Variants in MTPAP observed in about 807,000 individuals in gnomAD.
MTPAP encodes the protein poly(A) RNA polymerase, mitochondrial.
In MTPAP, 23 loss-of-function variants were observed where a neutral mutation model predicts 48.7. The observed-to-expected ratio is 0.47, with a 90% confidence interval of 0.34 to 0.67. MTPAP has a LOEUF of 0.67. Ranked by LOEUF, MTPAP falls within the 30% of genes least tolerant of loss-of-function variation. MTPAP has a pLI of 0.01. For synonymous variants in MTPAP, 257 were observed against 254.1 expected (o/e 1.01, Z -0.11); for missense variants, 614 against 694.3 (o/e 0.88, Z 1.30).
intron 1 of MTPAP, among the ~76,000 whole-genome samples, chr10:30,345,748 T>C (rs1834866739): frequency 6.6e-6 from 1 of 152,080 alleles, no homozygotes; most frequent in African/African-American, 2.4e-5. Context: ...AAACTAACAT[T>C]AAGAAATGAC....
intron 5 of MTPAP, among the ~76,000 whole-genome samples, chr10:30,325,714 C>A (rs1834580237): frequency 6.6e-6 from 1 of 152,082 alleles, no homozygotes; most frequent in Admixed American, 6.5e-5. Context: ...CAGTGTGCTG[C>A]ACTCCAGCCT....
intron 3 of MTPAP, 70 bp downstream of exon 3, chr10:30,340,156 T>C: frequency 7.9e-7 from 1 of 1,267,088 alleles, no homozygotes; most frequent in Non-Finnish European, 1.1e-6. Context: ...GCTTGAACAT[T>C]TTACAGGAAT....
Position 30,313,939 on chromosome 10 carries a change from A to G in MTPAP, c.1419T>C (p.Pro473=), listed in dbSNP as rs17855115. The change falls in exon 9 of 9, where the codon CCT becomes CCC. Residue 473 remains proline, a synonymous_variant. Coordinates refer to ENST00000263063, the MANE Select transcript of MTPAP (RefSeq NM_018109.4). ...GREQNKPDSS[P]LYIQNPFETS... is the part of the protein sequence containing the mutation. ...TTTCAAATGGATTCTGAATGTACAG[A>G]GGAGAAGAATCAGGTTTGTTTTGCT... 6.2e-7 allele frequency: 1 copy of G among 1,613,970 alleles called. No individual in the cohort carries two copies. Among genetic ancestry groups the G allele is most frequent in the African/African-American group, 1.3e-5 (1 of 75,042 alleles).
At chr10:30,314,867 G>C (rs1371317671) in intron 8 of MTPAP, among the ~76,000 whole-genome samples, 3 of 110,922 alleles carry the variant, frequency 2.7e-5, no homozygotes, top group Non-Finnish European at 5.1e-5. Flanking sequence ...GTGAGACTCT[G>C]TCTCAAAAAA....
At chr10:30,314,111 T>G in intron 8 of MTPAP, 140 bp from the exon 9 acceptor site, 1 of 1,058,482 alleles carries the variant, frequency 9.4e-7, no homozygotes, top group Admixed American at 2.1e-5. Context: ...TCTCAGGGGA[T>G]TGAGTATGTA....
Position 30,311,687 on chromosome 10 carries a change from G to A in MTPAP, c.*1922C>T, listed in dbSNP as rs1249018001. 1 of 152,256 alleles carries A rather than the reference G, an allele frequency of 6.6e-6. No individual in the cohort carries two copies. The highest frequency in any genetic ancestry group is 1.5e-5 in the Non-Finnish European group (1 of 68,124). 9.4% of individuals were successfully genotyped at this position (152,256 alleles called of 1,614,324 possible). ...CTATACTACTTGCTTCTTTTCCTTT[G>A]AGAGAGTCTCACTGTCGCCCAGGAT... On this transcript the variant is annotated 3_prime_UTR_variant, in exon 9 of 9. Transcript: ENST00000263063.
chr10:30,324,305 T>C (rs1487705334), intron 5 of MTPAP, among the ~76,000 whole-genome samples: 3 of 151,954 alleles, frequency 2.0e-5, no homozygotes, highest in Non-Finnish European at 4.4e-5. Flanking sequence ...AGCCCAGGAG[T>C]TTGAGACCAC....
intron 3 of MTPAP, 97 bp from the exon 4 acceptor site, chr10:30,337,124 C>A: frequency 9.4e-7 from 1 of 1,061,136 alleles, no homozygotes; most frequent in Non-Finnish European, 1.4e-6. Context: ...CGTTGAAGAC[C>A]TACCTTAGAA....
intron 1 of MTPAP, among the ~76,000 whole-genome samples, chr10:30,344,869 A>G (rs1564524916): frequency 6.6e-6 from 1 of 152,104 alleles, no homozygotes; most frequent in East Asian, 1.9e-4. Flanking sequence ...GCGCCAGGCT[A>G]ATTTTTATAT....
chr10:30,339,964 T>C, intron 3 of MTPAP: 1 of 497,012 alleles, frequency 2.0e-6, no homozygotes, highest in East Asian at 3.8e-5. Flanking sequence ...CAGTCATCAA[T>C]ACCATCTCAA....
At position 30,347,133 on chromosome 10, in the gene MTPAP, A is replaced by G. The variant is rs998671194; in HGVS notation, c.157+1986T>C. Among the ~76,000 whole-genome samples the G allele has an allele frequency of 1.3e-5, 2 of 152,192 alleles. 1 individual carries two copies. The highest frequency in any genetic ancestry group is 1.3e-4 in the Admixed American group (2 of 15,274). On this transcript the variant is annotated intron_variant, in intron 1 of 8. Coordinates refer to ENST00000263063, the MANE Select transcript of MTPAP (RefSeq NM_018109.4). ...TATCAGAAAGAATCCCGAATAATACACCATGTACTCTTATTGTCTTTCTAC... is the reference window on the plus strand; with the variant it reads ...TATCAGAAAGAATCCCGAATAATACGCCATGTACTCTTATTGTCTTTCTAC...
intron 8 of MTPAP, among the ~76,000 whole-genome samples, chr10:30,315,113 A>G (rs1184823624): frequency 1.3e-5 from 2 of 152,142 alleles, no homozygotes; most frequent in Non-Finnish European, 2.9e-5. Context: ...TTTGGAGTAC[A>G]AAAAAGGTGA....
intron 1 of MTPAP, among the ~76,000 whole-genome samples, chr10:30,348,561 G>A (rs546005590): frequency 6.6e-6 from 1 of 152,086 alleles, no homozygotes; most frequent in African/African-American, 2.4e-5. Flanking sequence ...AACGAACGCG[G>A]GACAACAGCC....
Position 30,341,468 on chromosome 10 carries a change from A to G in MTPAP, c.330T>C (p.Phe110=). Residue 110 remains phenylalanine, a splice_region_variant and synonymous_variant, in exon 2 of 9, where the codon TTT becomes TTC. Transcript: ENST00000263063. ...PINNHFFYES[F]GLYAVVEFCQ... ...GTTAGATTGTTTTTCAAATACTTAC[A>G]AAGCTTTCATAGAAGAAATGATTAT... 1 of 1,612,834 alleles carries G rather than the reference A, an allele frequency of 6.2e-7. No homozygotes were observed. Among genetic ancestry groups the G allele is most frequent in the South Asian group, 1.1e-5 (1 of 90,862 alleles).
chr10:30,313,679 G>A lies in MTPAP; in HGVS notation c.1679C>T (p.Ser560Phe). Reference protein sequence around the residue: ...AIETVKNLLESLKGNRTENFT... With the variant: ...AIETVKNLLEFLKGNRTENFT... ...ATTTTCTGTTCTGTTACCTTTTAAA[G>A]ATTCTAGCAAGTTTTTGACTGTTTC... The change falls in exon 9 of 9, where the codon TCT (serine) becomes TTT (phenylalanine). Residue 560 changes from serine to phenylalanine, a missense_variant. Coordinates refer to ENST00000263063, the MANE Select transcript of MTPAP (RefSeq NM_018109.4). 1.9e-6 allele frequency: 3 copies of A among 1,614,088 alleles called. No homozygotes were observed. The highest frequency in any genetic ancestry group is 2.5e-6 in the Non-Finnish European group (3 of 1,179,942).
intron 1 of MTPAP, 132 bp downstream of exon 1, chr10:30,348,987 G>A (rs1031953142): frequency 1.5e-6 from 2 of 1,324,334 alleles, no homozygotes; most frequent in South Asian, 2.5e-5. Flanking sequence ...CAGAGGAGAG[G>A]AGAGGACAGG....
chr10:30,348,795 T>G, intron 1 of MTPAP: 1 of 365,740 alleles, frequency 2.7e-6, no homozygotes. Context: ...GTGTGTAGCA[T>G]TACTATCATT....
intron 6 of MTPAP, among the ~76,000 whole-genome samples, chr10:30,322,019 T>C (rs571815757): frequency 1.4e-4 from 22 of 152,214 alleles, no homozygotes; most frequent in Non-Finnish European, 2.9e-4. Flanking sequence ...GTATCTCTAA[T>C]ACAAGTCTAA....
intron 4 of MTPAP, among the ~76,000 whole-genome samples, chr10:30,327,879 TG>T (rs1834618113): frequency 6.7e-6 from 1 of 148,454 alleles, no homozygotes; most frequent in African/African-American, 2.5e-5. Context: ...AAATTCAACA[TG>T]GATCAAAGAC....
Sources: gnomAD v4.1 joint callset for allele counts (sites outside exome capture counted in the v4.1 genomes callset) on GRCh38, gnomAD v4.1.1 for gene constraint, MANE v1.5 for transcripts, NCBI Gene and HGNC (gene_info 2026-07-23, HGNC 2026-07-21) for gene names.